GOLGA8R: variants seen among roughly 807,000 people sequenced by gnomAD.
The protein encoded by GOLGA8R is golgin A8 family member R.
A neutral mutation model predicts 21.4 loss-of-function variants in GOLGA8R; 6 were observed. That is an observed-to-expected ratio of 0.28 (90% CI 0.15 to 0.55). The LOEUF (loss-of-function observed/expected upper bound fraction) is 0.55, where lower values mean the gene tolerates loss of function less well. GOLGA8R is among the 20% of genes least tolerant of loss of function. The probability of loss-of-function intolerance (pLI) is 0.94; values close to 1 mark genes in which losing one functional copy is unlikely to be tolerated. For missense variants in GOLGA8R, 41 were observed against 139.9 expected, an observed-to-expected ratio of 0.29 and a Z score of 3.57; for synonymous variants, 8 against 49.3, an observed-to-expected ratio of 0.16 and a Z score of 3.51.
chr15:30,404,206 ACAC>A, intron 17 of GOLGA8R, 43 bp downstream of exon 17: 7 of 4,318 alleles, frequency 1.6e-3, no homozygotes, highest in Admixed American at 4.5e-3. Flanking sequence ...GCCCACCCTC[ACAC>A]CCACCCCCAC....
chr15:30,403,101 C>T lies in GOLGA8R; in HGVS notation c.*639G>A, dbSNP rs1303433267. ...ACCTGCCAGAGGAGGCCACTTTCCT[C>T]TTCTGTGAGATTTAAAAAGCTCCCC... On this transcript the variant is annotated 3_prime_UTR_variant, in exon 19 of 19. Coordinates refer to ENST00000327271, the MANE Select transcript of GOLGA8R (RefSeq NM_001282484.1). 4.8e-5 allele frequency among the ~76,000 whole-genome samples: 6 copies of T among 125,722 alleles called. No individual in the cohort carries two copies. Among genetic ancestry groups the T allele is most frequent in the Admixed American group, 1.6e-4 (2 of 12,296 alleles). 82.5% of individuals were successfully genotyped at this position (125,722 alleles called of 152,430 possible).
In GOLGA8R at chr15:30,411,997, C is replaced by A. The variant is rs1314713805; in HGVS notation, c.168+332G>T. On this transcript the variant is annotated intron_variant, in intron 2 of 18. Coordinates refer to ENST00000327271, the MANE Select transcript of GOLGA8R (RefSeq NM_001282484.1). The stretch of plus-strand genomic sequence containing the variant: ...TGCGGTGGCATAATCTTGGCCACTG[C>A]AAGCTCCACCTCCCAGGTTCACACC... 163 of 135,432 alleles carry A rather than the reference C, an allele frequency of 1.2e-3. 1 individual carries two copies. The highest frequency in any genetic ancestry group is 6.8e-3 in the African/African-American group (155 of 22,674). 8.4% of individuals were successfully genotyped at this position (135,432 alleles called of 1,614,324 possible). A position where few individuals can be genotyped will look rare whatever the true frequency, so the allele number is the denominator to read the frequency against.
At chr15:30,407,685 G>C (rs1246474926) in intron 11 of GOLGA8R, among the ~76,000 whole-genome samples, 154 bp from the exon 12 acceptor site, 1 of 152,260 alleles carries the variant, frequency 6.6e-6, no homozygotes, top group African/African-American at 2.4e-5. Context: ...AGCACTTTCA[G>C]AGAAAGAGCA....
chr15:30,407,889 C>A lies in GOLGA8R; in HGVS notation c.871+19G>T. 6.2e-7 allele frequency: 1 copy of A among 1,611,576 alleles called. No individual in the cohort carries two copies. The highest frequency in any genetic ancestry group is 8.5e-7 in the Non-Finnish European group (1 of 1,177,774). ...TCTGATGCCAGTCCTGCTCCCAGGT[C>A]ATGCCAGCCCCATCTTACCCGTCTG... On this transcript the variant is annotated intron_variant, in intron 11 of 18. Coordinates refer to ENST00000327271, the MANE Select transcript of GOLGA8R (RefSeq NM_001282484.1).
chr15:30,407,957 A>C lies in GOLGA8R; in HGVS notation c.822T>G (p.Arg274=). ...CTLKKEKQDM[R]WVEQLEWSLS... is the part of the protein sequence containing the mutation. ...AGCTCCACTCCAGCTGCTCTACCCA[A>C]CGCATATCCTGCTTCTCTTTCTTTA... The change falls in exon 11 of 19, where the codon CGT becomes CGG. Residue 274 remains arginine, a synonymous_variant. Coordinates refer to ENST00000327271, the MANE Select transcript of GOLGA8R (RefSeq NM_001282484.1). 1 of 1,592,970 alleles carries C rather than the reference A, an allele frequency of 6.3e-7. No homozygotes were observed. The highest frequency in any genetic ancestry group is 1.1e-5 in the South Asian group (1 of 90,698).
Position 30,402,713 on chromosome 15 carries a change from C to T in GOLGA8R, c.*1027G>A, listed in dbSNP as rs1185435985. 4.5e-5 allele frequency among the ~76,000 whole-genome samples: 2 copies of T among 44,406 alleles called. No individual in the cohort carries two copies. The highest frequency in any genetic ancestry group is 2.6e-4 in the Admixed American group (1 of 3,782). The allele number at this position is 44,406 out of a possible 152,430, so 29.1% of individuals were successfully genotyped here. ...TGCCTGTTCCAGGGACATTTGAACT[C>T]GTAAAGGATTTCTTATGATCTTCAC... On this transcript the variant is annotated 3_prime_UTR_variant, in exon 19 of 19. Coordinates refer to ENST00000327271, the MANE Select transcript of GOLGA8R (RefSeq NM_001282484.1).
intron 11 of GOLGA8R, among the ~76,000 whole-genome samples, 160 bp from the exon 12 acceptor site, chr15:30,407,691 G>C (rs1443722033): frequency 6.6e-6 from 1 of 152,256 alleles, no homozygotes; most frequent in Non-Finnish European, 1.5e-5. Flanking sequence ...TTCAGAGAAA[G>C]AGCACTGCGG....
At position 30,400,901 on chromosome 15, in the gene GOLGA8R, A is replaced by T. The variant is rs544336557; in HGVS notation, c.*2839T>A. 1.5e-5 allele frequency among the ~76,000 whole-genome samples: 1 copy of T among 64,946 alleles called. No homozygotes were observed. The highest frequency in any genetic ancestry group is 1.7e-4 in the Admixed American group (1 of 5,902). The allele number at this position is 64,946 out of a possible 152,430, so 42.6% of individuals were successfully genotyped here. ...AAGTTTTAGAGAAACTATATTATGG[A>T]TAGGGCTGATTTACATTTTCAAATT... On this transcript the variant is annotated 3_prime_UTR_variant, in exon 19 of 19. Transcript: ENST00000327271.
Position 30,402,720 on chromosome 15 carries a change from G to C in GOLGA8R, c.*1020C>G. On this transcript the variant is annotated 3_prime_UTR_variant, in exon 19 of 19. Transcript: ENST00000327271. Reference sequence around the variant, plus strand: ...TCCAGGGACATTTGAACTCGTAAAGGATTTCTTATGATCTTCACTAAATAC... The same window carrying C: ...TCCAGGGACATTTGAACTCGTAAAGCATTTCTTATGATCTTCACTAAATAC... 2.0e-5 allele frequency among the ~76,000 whole-genome samples: 1 copy of C among 48,884 alleles called. No homozygotes were observed. The highest frequency in any genetic ancestry group is 1.2e-3 in the South Asian group (1 of 814). 32.1% of individuals were successfully genotyped at this position (48,884 alleles called of 152,430 possible).
At chr15:30,407,821 T>G in intron 11 of GOLGA8R, 87 bp downstream of exon 11, 1 of 1,551,082 alleles carries the variant, frequency 6.4e-7, no homozygotes, top group South Asian at 1.1e-5. Flanking sequence ...AGCCCTTCCA[T>G]CCACCCACCT....
At position 30,408,001 on chromosome 15, in the gene GOLGA8R, A is replaced by G. The variant is rs1219920812; in HGVS notation, c.787-9T>C. The G allele has an allele frequency of 6.2e-7, 1 of 1,613,196 alleles. No homozygotes were observed. The highest frequency in any genetic ancestry group is 8.5e-7 in the Non-Finnish European group (1 of 1,179,466). On this transcript the variant is annotated splice_polypyrimidine_tract_variant and intron_variant, in intron 10 of 18. Coordinates refer to ENST00000327271, the MANE Select transcript of GOLGA8R (RefSeq NM_001282484.1). ...TTCTTTAATGTGCAAATCTGCCCAAAGCACAGGGGGAAAGGGCCCTGGAGA... is the reference window on the plus strand; with the variant it reads ...TTCTTTAATGTGCAAATCTGCCCAAGGCACAGGGGGAAAGGGCCCTGGAGA...
rs764108451 is a variant in GOLGA8R at position 30,408,029 on chromosome 15, G to A, written c.787-37C>T. On this transcript the variant is annotated intron_variant, in intron 10 of 18. Transcript: ENST00000327271. ...ACAGGGGGAAAGGGCCCTGGAGAGA[G>A]GGGCTGGTGGCTGGACAGGCTGCCC... The A allele has an allele frequency of 4.3e-6, 7 of 1,612,380 alleles. No homozygotes were observed. In the East Asian group the frequency reaches 1.1e-4, roughly 26 times the overall value.
Position 30,403,987 on chromosome 15 carries a change from AG to A in GOLGA8R, c.1720+13del. 1 of 45,892 alleles carries A rather than the reference AG, an allele frequency of 2.2e-5. No individual in the cohort carries two copies. Among genetic ancestry groups the A allele is most frequent in the South Asian group, 1.4e-4 (1 of 6,926 alleles). The allele number at this position is 45,892 out of a possible 1,614,324, so 2.8% of individuals were successfully genotyped here. On this transcript the variant is annotated intron_variant, in intron 18 of 18. Coordinates refer to ENST00000327271, the MANE Select transcript of GOLGA8R (RefSeq NM_001282484.1). Reference sequence around the variant, plus strand: ...TCTTCCTGCCTACCCACCCCACCTGAGGGCTCTACTCACCACCATGCTTGTC... The same window carrying A: ...TCTTCCTGCCTACCCACCCCACCTGAGGCTCTACTCACCACCATGCTTGTC...
rs1421223887 is a variant in GOLGA8R at position 30,400,873 on chromosome 15, A to C, written c.*2867T>G. On this transcript the variant is annotated 3_prime_UTR_variant, in exon 19 of 19. Transcript: ENST00000327271. ...AGTTATTTTAAAATGACTCTTTAAA[A>C]TAAAGTTTTAGAGAAACTATATTAT... Among the ~76,000 whole-genome samples the C allele has an allele frequency of 1.5e-5, 1 of 65,958 alleles. No individual in the cohort carries two copies. Among genetic ancestry groups the C allele is most frequent in the Non-Finnish European group, 3.8e-5 (1 of 26,396 alleles). 43.3% of individuals were successfully genotyped at this position (65,958 alleles called of 152,430 possible).
chr15:30,407,912 C>G lies in GOLGA8R; in HGVS notation c.867G>C (p.Gln289His). The change falls in exon 11 of 19, where the codon CAG becomes CAC. Residue 289 changes from glutamine (Q) to histidine (H), a missense_variant. Gln to His is a conservative substitution (Grantham distance 24, BLOSUM62 0). This residue lies in a region of GOLGA8R where 38 missense variants were observed against 32.6 expected (regional missense o/e 1.17). Transcript: ENST00000327271. ...LEWSLSKLKN[Q>H]TAEPLPPEPP... ...GTCATGCCAGCCCCATCTTACCCGT[C>G]TGGTTTTTGAGTTTGGACAAGCTCC... is the stretch of plus-strand genomic sequence containing the variant. 6.2e-7 allele frequency: 1 copy of G among 1,611,244 alleles called. No individual in the cohort carries two copies. Among genetic ancestry groups the G allele is most frequent in the South Asian group, 1.1e-5 (1 of 91,046 alleles).
chr15:30,407,709 A>G (rs1484288335), intron 11 of GOLGA8R, among the ~76,000 whole-genome samples, 178 bp from the exon 12 acceptor site: 406 of 151,106 alleles, frequency 2.7e-3, no homozygotes, highest in South Asian at 0.015. Context: ...CGGGTGGCTG[A>G]CAACGGGCCC....
In GOLGA8R at chr15:30,407,435, G is replaced by GCC. The variant is rs2059089000; in HGVS notation, c.967_968insGG (p.Ser323TrpfsTer10). 2.4e-6 allele frequency: 2 copies of GCC among 833,528 alleles called. No homozygotes were observed. The highest frequency in any genetic ancestry group is 3.6e-5 in the African/African-American group (2 of 55,416). 51.6% of individuals were successfully genotyped at this position (833,528 alleles called of 1,614,324 possible). On this transcript the variant is annotated frameshift_variant, in exon 12 of 19. Coordinates refer to ENST00000327271, the MANE Select transcript of GOLGA8R (RefSeq NM_001282484.1). LOFTEE classifies it high-confidence loss of function. ...TATGTGCTGATTGTTTTTGACCTGG[G>GCC]ACTGGAGCTCTCCTGCCACTCTCTC...
chr15:30,403,214 A>C lies in GOLGA8R; in HGVS notation c.*526T>G, dbSNP rs971681637. 1.3e-5 allele frequency among the ~76,000 whole-genome samples: 1 copy of C among 74,098 alleles called. No individual in the cohort carries two copies. The highest frequency in any genetic ancestry group is 1.5e-4 in the Admixed American group (1 of 6,814). 48.6% of individuals were successfully genotyped at this position (74,098 alleles called of 152,430 possible). ...TGGCCTTTAAACAACTCTAAATGTC[A>C]GTACTCATAGTGGCGTATTACAAAG... is the stretch of plus-strand genomic sequence containing the variant. On this transcript the variant is annotated 3_prime_UTR_variant, in exon 19 of 19. Coordinates refer to ENST00000327271, the MANE Select transcript of GOLGA8R (RefSeq NM_001282484.1).
rs916201230 is a variant in GOLGA8R at position 30,400,977 on chromosome 15, A to G, written c.*2763T>C. Reference sequence around the variant, plus strand: ...GCTGATTTTTTTTTTCATTTCTGGAAAATTATCAGGTTTAATCAAATACTT... The same window carrying G: ...GCTGATTTTTTTTTTCATTTCTGGAGAATTATCAGGTTTAATCAAATACTT... On this transcript the variant is annotated 3_prime_UTR_variant, in exon 19 of 19. Coordinates refer to ENST00000327271, the MANE Select transcript of GOLGA8R (RefSeq NM_001282484.1). Among the ~76,000 whole-genome samples, 2 of 56,208 alleles carry G rather than the reference A, an allele frequency of 3.6e-5. No individual in the cohort carries two copies. Among genetic ancestry groups the G allele is most frequent in the African/African-American group, 5.5e-5 (1 of 18,118 alleles). The allele number at this position is 56,208 out of a possible 152,430, so 36.9% of individuals were successfully genotyped here. A position where few individuals can be genotyped will look rare whatever the true frequency, so the allele number is the denominator to read the frequency against.
Sources: gnomAD v4.1 joint callset for allele counts (sites outside exome capture counted in the v4.1 genomes callset) on GRCh38, gnomAD v4.1.1 for gene constraint, gnomAD v4.1.1 regional missense constraint, MANE v1.5 for transcripts, NCBI Gene and HGNC (gene_info 2026-07-23, HGNC 2026-07-21) for gene names.